The following RIN3 variants were observed in gnomAD, a reference collection of about 807,000 sequenced individuals.
RIN3 encodes RAB5 interacting protein 3.
In RIN3, 54 loss-of-function variants were observed where a neutral mutation model predicts 76.3. The ratio of observed to expected loss-of-function variants is 0.71; its 90% confidence interval spans 0.57 to 0.89. RIN3 has a LOEUF of 0.89. RIN3 is among the 40% of genes least tolerant of loss of function. The pLI, the probability that RIN3 is intolerant of heterozygous loss-of-function variation, is 0.00. For synonymous variants in RIN3, 576 were observed against 564.0 expected, an observed-to-expected ratio of 1.02 and a Z score of -0.30; for missense variants, 1,256 against 1,322.1, an observed-to-expected ratio of 0.95 and a Z score of 0.78.
intron 2 of RIN3, 112 bp from the exon 3 acceptor site, chr14:92,577,248 G>A (rs1344208373): frequency 1.6e-5 from 11 of 695,676 alleles, no homozygotes; most frequent in Non-Finnish European, 2.8e-5. Flanking sequence ...GATCTCCCTA[G>A]CCTGCCTCAT....
At position 92,685,145 on chromosome 14, in the gene RIN3, G is replaced by A. The variant is rs202129320; in HGVS notation, c.2626G>A (p.Val876Ile). 5.3e-5 allele frequency: 86 copies of A among 1,608,348 alleles called. No individual in the cohort carries two copies. In the East Asian group the frequency reaches 1.4e-3, roughly 26 times the overall value. The change falls in exon 9 of 10, where the codon GTA becomes ATA. Residue 876 changes from valine (V) to isoleucine (I), a missense_variant. Physicochemically the swap from Val to Ile is conservative, Grantham distance 29 (BLOSUM62 3). Coordinates refer to ENST00000216487, the MANE Select transcript of RIN3 (RefSeq NM_024832.5). This position sits in a 1 kb window ranked among gnomAD's most constrained non-coding sequence, Gnocchi z 4.7. Reference protein sequence around the residue: ...LNKARASRSSVQDFICVSYLE... With the variant: ...LNKARASRSSIQDFICVSYLE... ...CAAGGCCCGGGCCTCCCGCTCCTCC[G>A]TACAGGTGAGGCCTGAGAGCGGGAG...
At chr14:92,521,557 C>T (rs901086629) in intron 1 of RIN3, among the ~76,000 whole-genome samples, 1 of 152,108 alleles carries the variant, frequency 6.6e-6, no homozygotes, top group African/African-American at 2.4e-5. Context: ...CCTGGCACCT[C>T]CCTGCTCTCT....
chr14:92,601,818 T>C (rs1305704958), intron 3 of RIN3, among the ~76,000 whole-genome samples: 1 of 152,184 alleles, frequency 6.6e-6, no homozygotes, highest in Non-Finnish European at 1.5e-5. Context: ...TCCCTGACAC[T>C]TGGCAATTTG....
intron 3 of RIN3, among the ~76,000 whole-genome samples, chr14:92,603,400 G>A (rs957224033): frequency 5.9e-5 from 9 of 152,118 alleles, no homozygotes; most frequent in South Asian, 2.1e-4. Flanking sequence ...GCTGTCTTTT[G>A]TGGAGCAGCT....
chr14:92,647,669 A>AT (rs1220453924), intron 5 of RIN3, among the ~76,000 whole-genome samples: 3 of 151,998 alleles, frequency 2.0e-5, no homozygotes, highest in Non-Finnish European at 4.4e-5. Flanking sequence ...GCCTTGTTGG[A>AT]TTTTTTAGTG....
chr14:92,546,722 C>CT (rs1301429734), intron 1 of RIN3, among the ~76,000 whole-genome samples: 3 of 152,036 alleles, frequency 2.0e-5, no homozygotes. Context: ...CTTTGCCCCC[C>CT]GCCCCCAGCC....
chr14:92,668,577 G>A (rs1442909884), intron 7 of RIN3, among the ~76,000 whole-genome samples: 1 of 152,260 alleles, frequency 6.6e-6, no homozygotes, highest in Non-Finnish European at 1.5e-5. Context: ...AAGGAGCTCA[G>A]TGGGAGAGAG....
intron 8 of RIN3, among the ~76,000 whole-genome samples, chr14:92,684,571 C>A (rs961727009): frequency 6.6e-6 from 1 of 152,000 alleles, no homozygotes; most frequent in Non-Finnish European, 1.5e-5. Flanking sequence ...ATAAATGGAA[C>A]CATAGTAACT....
Position 92,651,894 on chromosome 14 carries a change from C to G in RIN3, c.845C>G (p.Pro282Arg). The change falls in exon 6 of 10, where the codon CCC (proline) becomes CGC (arginine). Residue 282 changes from proline (P) to arginine (R), a missense_variant. Transcript: ENST00000216487. ...AGGTGGGCCCCACGCCGCCCACCACCCCCTCCCCCAGTGCTGCCCCTGCAG... is the reference window on the plus strand; with the variant it reads ...AGGTGGGCCCCACGCCGCCCACCACGCCCTCCCCCAGTGCTGCCCCTGCAG... ...TSRWAPRRPP[P>R]PPPVLPLQPC... 2.5e-6 allele frequency: 4 copies of G among 1,591,450 alleles called. No individual in the cohort carries two copies. The highest frequency in any genetic ancestry group is 3.4e-6 in the Non-Finnish European group (4 of 1,169,560).
At chr14:92,606,817 T>C (rs531031761) in intron 3 of RIN3, among the ~76,000 whole-genome samples, 3 of 152,342 alleles carry the variant, frequency 2.0e-5, no homozygotes, top group East Asian at 1.9e-4. Context: ...AAAATGGTGC[T>C]GTCACTTTGG....
At chr14:92,571,798 A>G (rs1417795530) in intron 2 of RIN3, among the ~76,000 whole-genome samples, 1 of 152,196 alleles carries the variant, frequency 6.6e-6, no homozygotes, top group African/African-American at 2.4e-5. Flanking sequence ...TTTTGTATAA[A>G]AGATACAGCA....
chr14:92,657,409 G>A (rs1887712207), intron 6 of RIN3, among the ~76,000 whole-genome samples: 2 of 152,070 alleles, frequency 1.3e-5, no homozygotes, highest in African/African-American at 4.8e-5. Flanking sequence ...CATGCTTAGG[G>A]TGCTTCTGGT....
chr14:92,676,884 T>A (rs761685679), intron 8 of RIN3, among the ~76,000 whole-genome samples: 4 of 151,796 alleles, frequency 2.6e-5, no homozygotes, highest in Non-Finnish European at 1.5e-5. Flanking sequence ...ACCCAGACTG[T>A]GCAGTCAGGG....
At position 92,623,991 on chromosome 14, in the gene RIN3, C is replaced by T. The variant is rs779345923; in HGVS notation, c.440+8512C>T. 2.8e-4 allele frequency among the ~76,000 whole-genome samples: 43 copies of T among 152,226 alleles called. No homozygotes were observed. Among genetic ancestry groups the T allele is most frequent in the Non-Finnish European group, 4.6e-4 (31 of 68,040 alleles). ...GCTGTAGGGTGTTGGAAAAGAGCCA[C>T]CATGCAGCCCATGCCCGGTTGGTCA... On this transcript the variant is annotated intron_variant, in intron 4 of 9. Coordinates refer to ENST00000216487, the MANE Select transcript of RIN3 (RefSeq NM_024832.5). This position sits in a 1 kb window ranked among gnomAD's most constrained non-coding sequence, Gnocchi z 4.9.
intron 6 of RIN3, among the ~76,000 whole-genome samples, chr14:92,655,033 C>T (rs979083419): frequency 2.8e-4 from 42 of 152,030 alleles, no homozygotes; most frequent in Non-Finnish European, 2.2e-4. Context: ...GGTGTGGTGG[C>T]GCGCACCTGT....
At chr14:92,555,557 G>A (rs949998211) in intron 1 of RIN3, among the ~76,000 whole-genome samples, 194 bp from the exon 2 acceptor site, 2 of 152,136 alleles carry the variant, frequency 1.3e-5, no homozygotes, top group African/African-American at 2.4e-5. Context: ...ATCCTGGGTC[G>A]GGTGGGCTGA....
rs1323347826 is a variant in RIN3, at chr14:92,681,707, C to T, written c.2468-3280C>T. Reference sequence around the variant, plus strand: ...CGACTGAGGGATGCCAGGTAGAGGACGTGGACTTGGGGCAGCAAGGGCTGG... The same window carrying T: ...CGACTGAGGGATGCCAGGTAGAGGATGTGGACTTGGGGCAGCAAGGGCTGG... On this transcript the variant is annotated intron_variant, in intron 8 of 9. Coordinates refer to ENST00000216487, the MANE Select transcript of RIN3 (RefSeq NM_024832.5). This position sits in a 1 kb window ranked among gnomAD's most constrained non-coding sequence, Gnocchi z 4.7. Among the ~76,000 whole-genome samples, 1 of 152,080 alleles carries T rather than the reference C, an allele frequency of 6.6e-6. No homozygotes were observed. The highest frequency in any genetic ancestry group is 1.5e-5 in the Non-Finnish European group (1 of 68,014).
At chr14:92,533,287 A>G (rs1454240562) in intron 1 of RIN3, among the ~76,000 whole-genome samples, 1 of 152,222 alleles carries the variant, frequency 6.6e-6, no homozygotes, top group East Asian at 1.9e-4. Context: ...CACAACCATT[A>G]TGGAAAACAG....
chr14:92,581,111 G>A (rs1898421341), intron 3 of RIN3, among the ~76,000 whole-genome samples: 1 of 152,226 alleles, frequency 6.6e-6, no homozygotes, highest in Non-Finnish European at 1.5e-5. Context: ...GATGACAGCA[G>A]AAGAGGTAGG....
Sources: gnomAD v4.1 joint callset for allele counts (sites outside exome capture counted in the v4.1 genomes callset) on GRCh38, gnomAD v4.1.1 for gene constraint, Gnocchi (gnomAD v3.1) non-coding constraint, MANE v1.5 for transcripts, NCBI Gene and HGNC (gene_info 2026-07-23, HGNC 2026-07-21) for gene names.